ADAMTSL2: variants seen among roughly 807,000 people sequenced by gnomAD.
ADAMTSL2 encodes the protein ADAMTS-like protein 2.
Under a neutral mutation model 117.0 loss-of-function variants are expected in ADAMTSL2, and 55 were observed. That is an observed-to-expected ratio of 0.47 (90% CI 0.38 to 0.59). ADAMTSL2 has a LOEUF of 0.59. Ranked by LOEUF, ADAMTSL2 falls within the 20% of genes least tolerant of loss-of-function variation. ADAMTSL2 has a pLI of 0.00. For synonymous variants in ADAMTSL2, 572 were observed against 566.4 expected (o/e 1.01, Z -0.14); for missense variants, 1,182 against 1,354.5 (o/e 0.87, Z 2.00).
At chr9:133,549,910 A>T (rs968629302) in intron 9 of ADAMTSL2, among the ~76,000 whole-genome samples, 23 of 152,220 alleles carry the variant, frequency 1.5e-4, no homozygotes, top group Middle Eastern at 3.2e-3. Flanking sequence ...ACAGTCCCCA[A>T]GTGGTGGCTG....
intron 17 of ADAMTSL2, among the ~76,000 whole-genome samples, 164 bp downstream of exon 17, chr9:133,570,671 G>A (rs1831085312): frequency 6.6e-6 from 1 of 152,206 alleles, no homozygotes; most frequent in African/African-American, 2.4e-5. Context: ...CACCACGTCA[G>A]CTGGTGCGAG....
upstream of ADAMTSL2, among the ~76,000 whole-genome samples, chr9:133,532,782 G>C (rs1271902680): frequency 6.6e-6 from 1 of 152,192 alleles, no homozygotes; most frequent in Non-Finnish European, 1.5e-5. Context: ...GGGGTAAGGG[G>C]TGGGGGTGGT....
intron 12 of ADAMTSL2, among the ~76,000 whole-genome samples, chr9:133,563,039 C>A (rs973285411): frequency 6.6e-6 from 1 of 152,240 alleles, no homozygotes; most frequent in Non-Finnish European, 1.5e-5. Flanking sequence ...AGGCTTGCAC[C>A]GCCTGGTTGA....
chr9:133,547,247 G>C (rs777130225), intron 9 of ADAMTSL2, 34 bp downstream of exon 9: 1 of 1,598,650 alleles, frequency 6.3e-7, no homozygotes, highest in Admixed American at 1.7e-5. Flanking sequence ...GGCCCCAGGG[G>C]CCCTGGGCAC....
At chr9:133,546,142 GC>G (rs1230696748) in intron 8 of ADAMTSL2, among the ~76,000 whole-genome samples, 1 of 152,046 alleles carries the variant, frequency 6.6e-6, no homozygotes, top group Non-Finnish European at 1.5e-5. Flanking sequence ...AGCCCTGGAG[GC>G]CCCCCACCTC....
intron 11 of ADAMTSL2, among the ~76,000 whole-genome samples, chr9:133,556,639 C>T (rs1016120910): frequency 4.6e-5 from 7 of 152,244 alleles, no homozygotes; most frequent in Non-Finnish European, 1.0e-4. Flanking sequence ...AAGGCCACAG[C>T]TGGGTCTACA....
chr9:133,572,241 G>A (rs1831124951), intron 17 of ADAMTSL2, among the ~76,000 whole-genome samples: 2 of 151,318 alleles, frequency 1.3e-5, no homozygotes, highest in South Asian at 2.1e-4. Flanking sequence ...TGTTCAGGAG[G>A]GAGAACACAC....
chr9:133,555,416 A>T, intron 10 of ADAMTSL2, 142 bp from the exon 11 acceptor site: 1 of 1,022,602 alleles, frequency 9.8e-7, no homozygotes. Context: ...TACGTCCTCT[A>T]GTTAGGCAGA....
rs1831195586 is a variant in ADAMTSL2, at chr9:133,574,990, C to G, written c.*126C>G. 3 of 748,188 alleles carry G rather than the reference C, an allele frequency of 4.0e-6. No individual in the cohort carries two copies. Among genetic ancestry groups the G allele is most frequent in the South Asian group, 3.0e-5 (2 of 66,558 alleles). The allele number at this position is 748,188 out of a possible 1,614,324, so 46.3% of individuals were successfully genotyped here. On this transcript the variant is annotated 3_prime_UTR_variant, in exon 19 of 19. Transcript: ENST00000651351. ...TGGCCTAAGAGACGTGGCACTGAGC[C>G]TCGGCTGTCGAGAGGGGACTTCCCA... is the stretch of plus-strand genomic sequence containing the variant.
chr9:133,567,039 C>T lies in ADAMTSL2; in HGVS notation c.1851C>T (p.Cys617=), dbSNP rs1314951341. The change falls in exon 13 of 19, where the codon TGC becomes TGT. Residue 617 remains cysteine, a synonymous_variant. Transcript: ENST00000651351. The part of the protein sequence containing the change: ...LTRPEPVHEF[C]AGRECQPRWE... ...GTCCCGAGCCTGTCCACGAGTTCTG[C>T]GCTGGGAGGGAGTGCCAGCCCAGGT... The T allele has an allele frequency of 4.2e-5, 67 of 1,609,930 alleles. No homozygotes were observed. The highest frequency in any genetic ancestry group is 5.0e-5 in the Non-Finnish European group (59 of 1,179,610).
intron 2 of ADAMTSL2, 63 bp downstream of exon 2, chr9:133,536,865 C>A: frequency 6.2e-7 from 1 of 1,610,514 alleles, no homozygotes. Flanking sequence ...TGTGATCACT[C>A]TCAGATGGAC....
Position 133,573,897 on chromosome 9 carries a change from G to A in ADAMTSL2, c.2647G>A (p.Gly883Arg), listed in dbSNP as rs2131192260. The A allele has an allele frequency of 6.2e-7, 1 of 1,614,132 alleles. No homozygotes were observed. The highest frequency in any genetic ancestry group is 1.6e-4 in the Middle Eastern group (1 of 6,062). ...VRMRDVKCYQ[G>R]TDIVRGCDPL... ...GATGCGAGACGTCAAGTGCTACCAG[G>A]GGACCGACATCGTCCGTGGTTGCGA... Residue 883 changes from glycine (G) to arginine (R), a missense_variant, in exon 18 of 19, where the codon GGG becomes AGG. Physicochemically the swap from Gly to Arg is moderately radical, Grantham distance 125 (BLOSUM62 -2). This residue lies in a region of ADAMTSL2 where 465 missense variants were observed against 565.3 expected (regional missense o/e 0.82). Transcript: ENST00000651351.
At position 133,543,608 on chromosome 9, in the gene ADAMTSL2, G is replaced by C. The variant is rs571147923; in HGVS notation, c.683-862G>C. On this transcript the variant is annotated intron_variant, in intron 7 of 18. Transcript: ENST00000651351. The stretch of plus-strand genomic sequence containing the variant: ...GTGTGATGGTGTTAGGGGAGGGATG[G>C]CAGGCGGGTACTGGCCTGCAGGAGA... Among the ~76,000 whole-genome samples, 15 of 152,336 alleles carry C rather than the reference G, an allele frequency of 9.8e-5. No homozygotes were observed. In the East Asian group the frequency reaches 1.5e-3, roughly 16 times the overall value.
At chr9:133,539,973 G>A in intron 5 of ADAMTSL2, 100 bp downstream of exon 5, 1 of 1,113,954 alleles carries the variant, frequency 9.0e-7, no homozygotes, top group Non-Finnish European at 1.3e-6. Context: ...GGGCAGGTGG[G>A]GAAATGGAGG....
At chr9:133,533,911 C>T (rs1829989943), upstream of ADAMTSL2, among the ~76,000 whole-genome samples, 1 of 152,154 alleles carries the variant, frequency 6.6e-6, no homozygotes, top group African/African-American at 2.4e-5. Context: ...AGGTGCCCAG[C>T]CTTGCTTTAG....
upstream of ADAMTSL2, among the ~76,000 whole-genome samples, chr9:133,532,779 G>A (rs1374270962): frequency 6.6e-6 from 1 of 152,188 alleles, no homozygotes; most frequent in Non-Finnish European, 1.5e-5. Flanking sequence ...TCTGGGGTAA[G>A]GGGTGGGGGT....
Position 133,554,320 on chromosome 9 carries a change from G to C in ADAMTSL2, c.940-37G>C. On this transcript the variant is annotated intron_variant, in intron 9 of 18. Coordinates refer to ENST00000651351, the MANE Select transcript of ADAMTSL2 (RefSeq NM_014694.4). This position sits in a 1 kb window ranked among gnomAD's most constrained non-coding sequence, Gnocchi z 5.2. The stretch of plus-strand genomic sequence containing the variant: ...ATTGGTGGGGAAGGGGCTGGACAGA[G>C]TAAGGAGGGGCTGGGGACCCACTTC... 6.6e-7 allele frequency: 1 copy of C among 1,516,156 alleles called. No homozygotes were observed. The highest frequency in any genetic ancestry group is 8.9e-7 in the Non-Finnish European group (1 of 1,129,766). The allele number at this position is 1,516,156 out of a possible 1,614,324, so 93.9% of individuals were successfully genotyped here.
intron 9 of ADAMTSL2, among the ~76,000 whole-genome samples, chr9:133,550,773 C>T (rs1830463529): frequency 6.6e-6 from 1 of 152,100 alleles, no homozygotes. Context: ...CCATCCCTTC[C>T]TCCACGCTGA....
In ADAMTSL2 at chr9:133,536,735, C is replaced by T; in HGVS notation, c.23C>T (p.Ser8Phe). ...AGGATGGATGGCAGATGGCAATGTT[C>T]CTGCTGGGCCTGGTTCCTGCTGGTT... Reference protein sequence around the residue: MDGRWQCSCWAWFLLVLA... With the variant: MDGRWQCFCWAWFLLVLA... The change falls in exon 2 of 19, where the codon TCC becomes TTC. Residue 8 changes from serine (S) to phenylalanine (F), a missense_variant. By Grantham distance (155) the Ser-to-Phe change is radical. Coordinates refer to ENST00000651351, the MANE Select transcript of ADAMTSL2 (RefSeq NM_014694.4). 4 of 1,614,212 alleles carry T rather than the reference C, an allele frequency of 2.5e-6. No individual in the cohort carries two copies. Among genetic ancestry groups the T allele is most frequent in the South Asian group, 1.1e-5 (1 of 91,090 alleles).
Sources: gnomAD v4.1 joint callset for allele counts (sites outside exome capture counted in the v4.1 genomes callset) on GRCh38, gnomAD v4.1.1 for gene constraint, gnomAD v4.1.1 regional missense constraint, Gnocchi (gnomAD v3.1) non-coding constraint, MANE v1.5 for transcripts, NCBI Gene and HGNC (gene_info 2026-07-23, HGNC 2026-07-21) for gene names.